NOC3L: variants seen among roughly 807,000 people sequenced by gnomAD.
The protein encoded by NOC3L is NOC3 like DNA replication regulator.
Under a neutral mutation model 102.5 loss-of-function variants are expected in NOC3L, and 85 were observed. That is an observed-to-expected ratio of 0.83 (90% CI 0.70 to 0.99). NOC3L has a LOEUF of 0.99. Ranked by LOEUF, NOC3L falls within the 50% of genes least tolerant of loss-of-function variation. The probability of loss-of-function intolerance (pLI) is 0.00; values close to 1 mark genes in which losing one functional copy is unlikely to be tolerated. For missense variants in NOC3L, 878 were observed against 914.9 expected (o/e 0.96, Z 0.52); for synonymous variants, 303 against 309.4 (o/e 0.98, Z 0.22).
chr10:94,324,763 G>T, the NOC3L span: 1 of 1,028,300 alleles, frequency 9.7e-7, no homozygotes, highest in African/African-American at 1.6e-5. Context: ...AGTCCTAGAG[G>T]GGAGCTCCTC....
At chr10:94,337,068 CAAAAAA>C (rs577577956) in intron 19 of NOC3L, among the ~76,000 whole-genome samples, 1 of 78,490 alleles carries the variant, frequency 1.3e-5, no homozygotes, top group African/African-American at 4.5e-5. Context: ...GACTCCATCT[CAAAAAA>C]AAAAAAAAAA....
chr10:94,323,556 A>G, the NOC3L span, among the ~76,000 whole-genome samples: 1 of 152,220 alleles, frequency 6.6e-6, no homozygotes, highest in Non-Finnish European at 1.5e-5. Context: ...CACCACATAG[A>G]CCACCACATA....
At chr10:94,339,097 CA>C (rs2054253597) in intron 17 of NOC3L, among the ~76,000 whole-genome samples, 1 of 152,044 alleles carries the variant, frequency 6.6e-6, no homozygotes, top group South Asian at 2.1e-4. Context: ...TAACCTATAT[CA>C]AGAGAAATAG....
At chr10:94,359,696 C>T (rs114049605) in intron 2 of NOC3L, among the ~76,000 whole-genome samples, 1,890 of 152,192 alleles carry the variant, frequency 0.012, 47 homozygotes, top group African/African-American at 0.043. Flanking sequence ...GAGATATCAT[C>T]TCATCCTAGT....
chr10:94,361,779 G>A lies in NOC3L; in HGVS notation c.103C>T (p.Gln35Ter), dbSNP rs2054554401. 6.2e-7 allele frequency: 1 copy of A among 1,612,952 alleles called. No homozygotes were observed. The highest frequency in any genetic ancestry group is 1.3e-5 in the African/African-American group (1 of 74,942). ...CGGTACTTCTTGAGAGTGCTTTGTTGTTTAAACTGCTTATTTTTTAGCTTG... is the reference window on the plus strand; with the variant it reads ...CGGTACTTCTTGAGAGTGCTTTGTTATTTAAACTGCTTATTTTTTAGCTTG... ...ENKLKNKQFK[Q>*]QSTLKKYRKE... Residue 35 changes from glutamine (Q) to a stop codon, truncating the protein, a stop_gained, in exon 2 of 21, where the codon CAA becomes TAA. Coordinates refer to ENST00000371361, the MANE Select transcript of NOC3L (RefSeq NM_022451.11). LOFTEE classifies it high-confidence loss of function.
chr10:94,349,405 C>A, intron 9 of NOC3L, 27 bp from the exon 10 acceptor site: 1 of 1,564,112 alleles, frequency 6.4e-7, no homozygotes, highest in Non-Finnish European at 8.6e-7. Flanking sequence ...CATACTTAAC[C>A]AGTGTTTCTC....
At chr10:94,337,700 T>C in intron 19 of NOC3L, 77 bp downstream of exon 19, 2 of 955,730 alleles carry the variant, frequency 2.1e-6, no homozygotes, top group Non-Finnish European at 3.3e-6. Flanking sequence ...TATGTTACTT[T>C]ATGAAACAGT....
chr10:94,325,228 G>A, the NOC3L span: 4 of 728,092 alleles, frequency 5.5e-6, no homozygotes, highest in Non-Finnish European at 7.3e-6. Context: ...AGGCAGGTAG[G>A]AATGGGACCT....
In NOC3L at chr10:94,343,078, T is replaced by C. The variant is rs1589568234; in HGVS notation, c.1572-1333A>G. Among the ~76,000 whole-genome samples, 4 of 145,574 alleles carry C rather than the reference T, an allele frequency of 2.7e-5. No individual in the cohort carries two copies. The South Asian group carries it at 6.5e-4, about 24-fold the overall frequency. On this transcript the variant is annotated intron_variant, in intron 13 of 20. Coordinates refer to ENST00000371361, the MANE Select transcript of NOC3L (RefSeq NM_022451.11). ...CAGCCTGAGCAACAGAGCAAGACAG[T>C]GTCTCCAAAAAAAAAAAAAAAGGTG...
At chr10:94,350,564 AT>A (rs1467155208) in intron 8 of NOC3L, among the ~76,000 whole-genome samples, 9 of 151,656 alleles carry the variant, frequency 5.9e-5, no homozygotes, top group African/African-American at 2.2e-4. Flanking sequence ...AAAAAAAAAA[AT>A]TAGCCAGGCA....
In NOC3L at chr10:94,340,720, G is replaced by A. The variant is rs182155193; in HGVS notation, c.1645-224C>T. Among the ~76,000 whole-genome samples the A allele has an allele frequency of 2.5e-3, 387 of 152,076 alleles. 3 individuals carry two copies. The highest frequency in any genetic ancestry group is 8.4e-3 in the African/African-American group (348 of 41,480). ...CTCAGGGCCGGGCGCGGTGGCTCAC[G>A]CCTGCAATCCCAGCACTTCAGGAGG... On this transcript the variant is annotated intron_variant, in intron 14 of 20. Coordinates refer to ENST00000371361, the MANE Select transcript of NOC3L (RefSeq NM_022451.11).
chr10:94,339,668 A>C (rs2054259190), intron 17 of NOC3L, 71 bp downstream of exon 17: 15 of 1,207,192 alleles, frequency 1.2e-5, no homozygotes, highest in African/African-American at 3.1e-5. Flanking sequence ...AGGGGGGAAA[A>C]GACATGCCTC....
chr10:94,339,416 A>C (rs554255077), intron 17 of NOC3L, among the ~76,000 whole-genome samples: 110 of 152,330 alleles, frequency 7.2e-4, no homozygotes, highest in Non-Finnish European at 1.4e-3. Flanking sequence ...AAGTGGTAGA[A>C]TATATAGCAT....
At chr10:94,342,057 G>A (rs888126004) in intron 13 of NOC3L, among the ~76,000 whole-genome samples, 8 of 152,156 alleles carry the variant, frequency 5.3e-5, no homozygotes, top group African/African-American at 1.7e-4. Flanking sequence ...GGAGGTATCC[G>A]GCAGGATCGG....
intron 6 of NOC3L, 123 bp downstream of exon 6, chr10:94,354,840 G>T: frequency 2.2e-6 from 2 of 904,556 alleles, no homozygotes; most frequent in Non-Finnish European, 3.3e-6. Context: ...CTCTAACCCA[G>T]CTACTATGTT....
At chr10:94,361,551 T>C in intron 2 of NOC3L, 114 bp downstream of exon 2, 1 of 957,544 alleles carries the variant, frequency 1.0e-6, no homozygotes, top group South Asian at 1.5e-5. Flanking sequence ...CCTTACCCAC[T>C]CTAGGAAGAT....
chr10:94,357,836 T>A, intron 3 of NOC3L: 1 of 454,536 alleles, frequency 2.2e-6, no homozygotes. Context: ...TACCTCAAAG[T>A]GAGAACAGCA....
chr10:94,348,034 A>G (rs941706601), intron 10 of NOC3L, among the ~76,000 whole-genome samples: 1 of 151,460 alleles, frequency 6.6e-6, no homozygotes, highest in African/African-American at 2.4e-5. Flanking sequence ...TATACTATAG[A>G]TATAACACAA....
the NOC3L span, chr10:94,325,162 G>C: frequency 8.2e-7 from 1 of 1,222,336 alleles, no homozygotes; most frequent in East Asian, 2.3e-5. Context: ...ACTTTGTAAG[G>C]AAGGCATAAT....
Sources: allele counts gnomAD v4.1 joint callset (sites outside exome capture counted in the v4.1 genomes callset), GRCh38; gene constraint gnomAD v4.1.1; transcripts MANE v1.5; gene names NCBI Gene and HGNC (gene_info 2026-07-23, HGNC 2026-07-21).